YAE1: variants seen among roughly 807,000 people sequenced by gnomAD.
YAE1 encodes YAE1 maturation factor of ABCE1.
YAE1 carries 22 observed loss-of-function variants against 23.0 expected under a neutral mutation model. The observed-to-expected ratio is 0.96, with a 90% confidence interval of 0.68 to 1.37. The LOEUF is 1.37. Among genes scored for constraint, YAE1 ranks in the 40% most tolerant of loss-of-function variants. The pLI is 0.00. For synonymous variants in YAE1, 101 were observed against 97.0 expected, an observed-to-expected ratio of 1.04 and a Z score of -0.24; for missense variants, 260 against 262.1, an observed-to-expected ratio of 0.99 and a Z score of 0.06.
intron 2 of YAE1, among the ~76,000 whole-genome samples, chr7:39,593,497 C>T (rs1265195431): frequency 6.6e-6 from 1 of 152,108 alleles, no homozygotes; most frequent in Non-Finnish European, 1.5e-5. Flanking sequence ...ATCCGCCTGC[C>T]CTGGCCTCTC....
At chr7:39,602,383 A>G (rs568088991) in intron 2 of YAE1, among the ~76,000 whole-genome samples, 1 of 152,372 alleles carries the variant, frequency 6.6e-6, no homozygotes, top group African/African-American at 2.4e-5. Context: ...CTAGTTAGAC[A>G]ATAAGTTTCT....
chr7:39,573,022 G>T (rs959583723), downstream of YAE1: 1 of 528,396 alleles, frequency 1.9e-6, no homozygotes, highest in Non-Finnish European at 2.5e-6. Flanking sequence ...AACATATTTT[G>T]TAAGGACCTA....
intron 1 of YAE1, chr7:39,569,674 G>A: frequency 1.5e-6 from 1 of 686,756 alleles, no homozygotes; most frequent in East Asian, 3.0e-5. Context: ...CCCCACACTG[G>A]CAATCCAATG....
downstream of YAE1, among the ~76,000 whole-genome samples, chr7:39,575,473 T>C (rs975262774): frequency 1.3e-5 from 2 of 151,768 alleles, no homozygotes; most frequent in African/African-American, 4.8e-5. Context: ...AAGTTGTGAT[T>C]CTACCCTCTT....
intron 2 of YAE1, among the ~76,000 whole-genome samples, chr7:39,602,930 A>G (rs1791073824): frequency 6.6e-6 from 1 of 150,948 alleles, no homozygotes; most frequent in Admixed American, 6.6e-5. Flanking sequence ...TGTATTTTTA[A>G]TAGACATGAG....
chr7:39,593,552 A>G (rs912123148), intron 2 of YAE1, among the ~76,000 whole-genome samples: 4 of 151,794 alleles, frequency 2.6e-5, no homozygotes, highest in African/African-American at 9.7e-5. Flanking sequence ...CTGGCCTTTT[A>G]TGGGTGCAAG....
chr7:39,606,710 A>T (rs1254444501), intron 2 of YAE1, among the ~76,000 whole-genome samples: 1 of 2,286 alleles, frequency 4.4e-4, no homozygotes, highest in Admixed American at 6.5e-3. Flanking sequence ...AAAAAGCACT[A>T]AAAAAAAATC....
At chr7:39,602,682 G>A (rs1791069546) in intron 2 of YAE1, among the ~76,000 whole-genome samples, 1 of 152,198 alleles carries the variant, frequency 6.6e-6, no homozygotes, top group South Asian at 2.1e-4. Flanking sequence ...ATTTGCAGAG[G>A]CAGGTAGAAG....
Position 39,570,647 on chromosome 7 carries a change from TGCTGAATCATTTTAA to T in YAE1, c.251+21_251+35del. ...ATTGAGGTAATTTTTAAAGTCTAAA[TGCTGAATCATTTTAA>T]CCTCAATACTACTGGAGGATGTTTC... On this transcript the variant is annotated intron_variant, in intron 2 of 2. Coordinates refer to ENST00000223273, the MANE Select transcript of YAE1 (RefSeq NM_020192.5). 1 of 1,581,040 alleles carries T rather than the reference TGCTGAATCATTTTAA, an allele frequency of 6.3e-7. No individual in the cohort carries two copies.
At chr7:39,586,218 G>A (rs1303261640) in intron 2 of YAE1, among the ~76,000 whole-genome samples, 1 of 149,634 alleles carries the variant, frequency 6.7e-6, no homozygotes, top group Non-Finnish European at 1.5e-5. Context: ...TGTCGCCCAG[G>A]CTGGAGTGCA....
intron 2 of YAE1, chr7:39,609,512 T>A (rs1406607030): frequency 7.0e-7 from 1 of 1,424,864 alleles, no homozygotes; most frequent in African/African-American, 1.4e-5. Context: ...TCGTTATAAG[T>A]TTATCAGAAA....
chr7:39,589,913 G>A (rs1363718645), intron 2 of YAE1, among the ~76,000 whole-genome samples: 12 of 152,180 alleles, frequency 7.9e-5, no homozygotes, highest in Admixed American at 5.9e-4. Flanking sequence ...TTCACCACAA[G>A]AGACGGAGAC....
chr7:39,572,305 A>C lies in YAE1; in HGVS notation c.280A>C (p.Asn94His). 3 of 1,613,200 alleles carry C rather than the reference A, an allele frequency of 1.9e-6. No individual in the cohort carries two copies. The highest frequency in any genetic ancestry group is 4.5e-5 in the East Asian group (2 of 44,856). Residue 94 changes from asparagine (N) to histidine (H), a missense_variant, in exon 3 of 3, where the codon AAT (asparagine) becomes CAT (histidine). By Grantham distance (68) the Asn-to-His change is moderately conservative. Coordinates refer to ENST00000223273, the MANE Select transcript of YAE1 (RefSeq NM_020192.5). ...TTTGCTCTCCTGGTGTCACCTTCAT[A>C]ATAATAATTCAACTTTGATCAATAA... is the stretch of plus-strand genomic sequence containing the variant. ...SALLSWCHLH[N>H]NNSTLINKIN...
chr7:39,575,696 C>G (rs1465701803), downstream of YAE1, among the ~76,000 whole-genome samples: 2 of 152,018 alleles, frequency 1.3e-5, no homozygotes, highest in African/African-American at 4.8e-5. Context: ...TTGATTTTGC[C>G]CCTACGTAAT....
At chr7:39,600,584 A>G (rs1791041150) in intron 2 of YAE1, among the ~76,000 whole-genome samples, 1 of 151,906 alleles carries the variant, frequency 6.6e-6, no homozygotes, top group Admixed American at 6.6e-5. Context: ...TTTAGTAGAG[A>G]CAGGGTTTCG....
chr7:39,606,853 A>G (rs988975855), intron 2 of YAE1, among the ~76,000 whole-genome samples: 1 of 152,234 alleles, frequency 6.6e-6, no homozygotes, highest in African/African-American at 2.4e-5. Flanking sequence ...ATTGAGCTTT[A>G]AAAATATATA....
chr7:39,598,377 A>T lies in YAE1; in HGVS notation c.252-11240A>T, dbSNP rs543380510. Among the ~76,000 whole-genome samples, 3 of 149,932 alleles carry T rather than the reference A, an allele frequency of 2.0e-5. No individual in the cohort carries two copies. In the East Asian group the frequency reaches 5.9e-4, roughly 29 times the overall value. On this transcript the variant is annotated intron_variant, in intron 2 of 2. Transcript: ENST00000432096. ...CACCTGCCTCGCCTTCCAGAGTACT[A>T]GGATTACAGGCATAAGCCACCGCAC...
At chr7:39,596,000 T>A (rs560154831) in intron 2 of YAE1, among the ~76,000 whole-genome samples, 1 of 152,324 alleles carries the variant, frequency 6.6e-6, no homozygotes, top group South Asian at 2.1e-4. Flanking sequence ...TTTTCTCCAT[T>A]GGCTATGCCT....
intron 2 of YAE1, among the ~76,000 whole-genome samples, chr7:39,594,975 G>T (rs1790954939): frequency 6.6e-6 from 1 of 152,116 alleles, no homozygotes; most frequent in Admixed American, 6.6e-5. Context: ...AAATAAACCT[G>T]ATTGCTCCAG....
Sources: gnomAD v4.1 joint callset for allele counts (sites outside exome capture counted in the v4.1 genomes callset) on GRCh38, gnomAD v4.1.1 for gene constraint, MANE v1.5 for transcripts, NCBI Gene and HGNC (gene_info 2026-07-23, HGNC 2026-07-21) for gene names.